The following NTM variants were observed in gnomAD, a reference collection of about 807,000 sequenced individuals.
NTM encodes the protein IgLON family member 2.
A neutral mutation model predicts 42.1 loss-of-function variants in NTM; 13 were observed. The observed-to-expected ratio is 0.31, with a 90% CI of 0.20 to 0.49. The LOEUF (loss-of-function observed/expected upper bound fraction) is 0.49, where lower values mean the gene tolerates loss of function less well. Ranked by LOEUF, NTM falls within the 20% of genes least tolerant of loss-of-function variation. NTM has a pLI of 0.99. For synonymous variants in NTM, 187 were observed against 179.2 expected, an observed-to-expected ratio of 1.04 and a Z score of -0.35; for missense variants, 373 against 452.8, an observed-to-expected ratio of 0.82 and a Z score of 1.60.
At chr11:131,560,002 A>T (rs2056013307) in intron 1 of NTM, among the ~76,000 whole-genome samples, 1 of 152,336 alleles carries the variant, frequency 6.6e-6, no homozygotes, top group Middle Eastern at 3.4e-3. Context: ...TCAGGACTCA[A>T]ATTCGACTGT....
At chr11:132,031,501 G>A (rs549313810) in intron 2 of NTM, among the ~76,000 whole-genome samples, 3 of 152,244 alleles carry the variant, frequency 2.0e-5, no homozygotes, top group Middle Eastern at 3.4e-3. Context: ...GTAGAGTTTC[G>A]AGAATTGGTT....
intron 1 of NTM, among the ~76,000 whole-genome samples, chr11:131,689,989 C>T (rs546314176): frequency 1.3e-5 from 2 of 152,302 alleles, no homozygotes; most frequent in Admixed American, 6.5e-5. Context: ...GCAATGACAG[C>T]AGAGAGGACA....
intron 1 of NTM, chr11:131,911,165 G>A: frequency 1.5e-6 from 2 of 1,307,338 alleles, no homozygotes; most frequent in South Asian, 3.4e-5. Flanking sequence ...CTCCTGAGAC[G>A]CGCCCACACC....
intron 2 of NTM, among the ~76,000 whole-genome samples, chr11:132,047,659 C>T (rs943751381): frequency 4.6e-5 from 7 of 152,188 alleles, no homozygotes; most frequent in Non-Finnish European, 7.3e-5. Flanking sequence ...GTTCTTGACC[C>T]GGTGGCCAGG....
At chr11:131,488,158 G>C (rs752091262) in intron 1 of NTM, among the ~76,000 whole-genome samples, 20 of 152,172 alleles carry the variant, frequency 1.3e-4, no homozygotes, top group African/African-American at 4.8e-4. Flanking sequence ...ATTATGTATT[G>C]CTTCAAAATA....
At chr11:131,421,948 A>G (rs1048405543) in intron 1 of NTM, among the ~76,000 whole-genome samples, 3 of 152,022 alleles carry the variant, frequency 2.0e-5, no homozygotes, top group Non-Finnish European at 4.4e-5. Context: ...CTCTCTGGAG[A>G]TATTAACTGT....
chr11:131,552,832 T>C (rs1034505211), intron 1 of NTM, among the ~76,000 whole-genome samples: 2 of 121,672 alleles, frequency 1.6e-5, no homozygotes, highest in East Asian at 2.6e-4. Context: ...AAAAAAAAAA[T>C]AATAGCCTCA....
chr11:132,225,685 A>G (rs2086092722), intron 4 of NTM, among the ~76,000 whole-genome samples: 1 of 152,122 alleles, frequency 6.6e-6, no homozygotes, highest in Admixed American at 6.5e-5. Context: ...AATTTAATAA[A>G]TGTTTCCTTT....
chr11:132,065,459 C>A (rs776766644), intron 2 of NTM, among the ~76,000 whole-genome samples: 1 of 152,204 alleles, frequency 6.6e-6, no homozygotes, highest in South Asian at 2.1e-4. Flanking sequence ...AGATTCCACA[C>A]TGTCTCTCTT....
At chr11:132,049,437 G>A (rs532863697) in intron 2 of NTM, among the ~76,000 whole-genome samples, 1 of 152,290 alleles carries the variant, frequency 6.6e-6, no homozygotes, top group South Asian at 2.1e-4. Context: ...AGAGAGGCTA[G>A]GCTGGGGCAG....
chr11:131,376,300 T>G (rs1055838681), intron 1 of NTM, among the ~76,000 whole-genome samples: 3 of 152,238 alleles, frequency 2.0e-5, no homozygotes, highest in African/African-American at 7.2e-5. Context: ...CTTTGCCTAT[T>G]TCCTGCTTTT....
chr11:132,310,116 A>G lies in NTM; in HGVS notation c.666A>G (p.Pro222=), dbSNP rs947750121. 4 of 1,591,030 alleles carry G rather than the reference A, an allele frequency of 2.5e-6. No individual in the cohort carries two copies. The Admixed American group carries it at 5.5e-5, about 22-fold the overall frequency. The change falls in exon 6 of 9, where the codon CCA becomes CCG. Residue 222 remains proline (P), a synonymous_variant. Transcript: ENST00000683400. ...TGAGACATCTTCTTTTTGCAGATCC[A>G]CCATACATTTCAGAAGCCAAGGGTA... ...VRRVKVTVNY[P]PYISEAKGTG... is the part of the protein sequence containing the mutation.
intron 1 of NTM, among the ~76,000 whole-genome samples, chr11:131,461,577 A>G (rs1336646218): frequency 6.6e-6 from 1 of 152,192 alleles, no homozygotes; most frequent in Non-Finnish European, 1.5e-5. Context: ...TGGGCAAAGG[A>G]TACAAACTTG....
chr11:131,655,605 C>G (rs1190100747), intron 1 of NTM, among the ~76,000 whole-genome samples: 1 of 152,210 alleles, frequency 6.6e-6, no homozygotes, highest in East Asian at 1.9e-4. Flanking sequence ...TGCTGGTGAG[C>G]TGGGACCACA....
At chr11:132,292,807 A>AC (rs1371869041) in intron 4 of NTM, among the ~76,000 whole-genome samples, 2,605 of 150,238 alleles carry the variant, frequency 0.017, 40 homozygotes, top group Middle Eastern at 0.067. Context: ...AAAAAAAAAA[A>AC]AAAAAACTAA....
At chr11:131,492,943 TGTG>T (rs1954950739) in intron 1 of NTM, among the ~76,000 whole-genome samples, 1 of 152,052 alleles carries the variant, frequency 6.6e-6, no homozygotes, top group African/African-American at 2.4e-5. Context: ...TAGGGCCAGG[TGTG>T]GTGGCTCATG....
intron 1 of NTM, among the ~76,000 whole-genome samples, chr11:131,374,512 T>C (rs1436965854): frequency 6.6e-6 from 1 of 152,226 alleles, no homozygotes; most frequent in Non-Finnish European, 1.5e-5. Flanking sequence ...GTACAGTCCC[T>C]GACTTCTGTT....
chr11:131,855,321 T>C lies in NTM; in HGVS notation c.83-56243T>C, dbSNP rs1592297164. Among the ~76,000 whole-genome samples the C allele has an allele frequency of 2.6e-5, 4 of 152,314 alleles. 1 individual carries two copies. The highest frequency in any genetic ancestry group is 2.6e-4 in the Admixed American group (4 of 15,302). Reference sequence around the variant, plus strand: ...AACTTGGTTATTTTGGGTATGTCCATAATGTTTTGATATTAATTTAAATGA... The same window carrying C: ...AACTTGGTTATTTTGGGTATGTCCACAATGTTTTGATATTAATTTAAATGA... On this transcript the variant is annotated intron_variant, in intron 1 of 8. Coordinates refer to ENST00000683400, the MANE Select transcript of NTM (RefSeq NM_001352005.2).
intron 2 of NTM, among the ~76,000 whole-genome samples, chr11:131,931,495 GTGTGTGTGTA>G (rs2058614376): frequency 6.6e-6 from 1 of 151,580 alleles, no homozygotes; most frequent in African/African-American, 2.4e-5. Context: ...GTGTGTGTGT[GTGTGTGTGTA>G]TGTGTGTGTG....
Sources: gnomAD v4.1 joint callset for allele counts (sites outside exome capture counted in the v4.1 genomes callset) on GRCh38, gnomAD v4.1.1 for gene constraint, MANE v1.5 for transcripts, NCBI Gene and HGNC (gene_info 2026-07-23, HGNC 2026-07-21) for gene names.